The following SDK1 variants were observed in gnomAD, a reference collection of about 807,000 sequenced individuals.
SDK1 encodes the protein sidekick cell adhesion molecule 1, also known as protein sidekick-1.
Under a neutral mutation model 245.5 loss-of-function variants are expected in SDK1, and 157 were observed. That is an observed-to-expected ratio of 0.64 (90% CI 0.56 to 0.73). SDK1 has a LOEUF of 0.73. Among genes scored for constraint, SDK1 ranks in the 30% least tolerant of loss-of-function variants. The pLI is 0.00. For missense variants in SDK1, 3,583 were observed against 3,002.3 expected (o/e 1.19, Z -4.52); for synonymous variants, 1,647 against 1,278.5 (o/e 1.29, Z -6.15).
At chr7:4,124,051 G>A (rs554894182) in intron 25 of SDK1, among the ~76,000 whole-genome samples, 2 of 152,230 alleles carry the variant, frequency 1.3e-5, no homozygotes, top group Non-Finnish European at 2.9e-5. Flanking sequence ...ATCCTCAGCC[G>A]CTGGCCCTGT....
At chr7:3,490,428 T>TTCAATAAG (rs1432967476) in intron 1 of SDK1, among the ~76,000 whole-genome samples, 2 of 152,232 alleles carry the variant, frequency 1.3e-5, no homozygotes, top group Non-Finnish European at 2.9e-5. Flanking sequence ...AATTTATGCA[T>TTCAATAAG]TCAATAAGTA....
At chr7:3,421,591 AT>A (rs1583832921) in intron 1 of SDK1, among the ~76,000 whole-genome samples, 1 of 152,192 alleles carries the variant, frequency 6.6e-6, no homozygotes, top group African/African-American at 2.4e-5. Flanking sequence ...CTGTAAACTA[AT>A]TATATTTTGA....
intron 5 of SDK1, among the ~76,000 whole-genome samples, chr7:3,829,502 T>G (rs1247069240): frequency 6.6e-6 from 1 of 152,220 alleles, no homozygotes; most frequent in Non-Finnish European, 1.5e-5. Context: ...GTTAAATTAT[T>G]GACCCAGATC....
At position 4,267,856 on chromosome 7, in the gene SDK1, A is replaced by G. The variant is rs563328488; in HGVS notation, c.*2472A>G. The G allele has an allele frequency of 3.0e-6, 3 of 985,570 alleles. No homozygotes were observed. Among genetic ancestry groups the G allele is most frequent in the East Asian group, 2.3e-4 (2 of 8,796 alleles). 61.1% of individuals were successfully genotyped at this position (985,570 alleles called of 1,614,324 possible). A position where few individuals can be genotyped will look rare whatever the true frequency, so the allele number is the denominator to read the frequency against. ...GCTGCTGCTGGACTGTGCTTAGGAC[A>G]GCGCCCATGCCTCGGAGGGACTCTG... On this transcript the variant is annotated 3_prime_UTR_variant, in exon 45 of 45. Coordinates refer to ENST00000404826, the MANE Select transcript of SDK1 (RefSeq NM_152744.4).
At chr7:3,721,257 G>C (rs1033309694) in intron 4 of SDK1, among the ~76,000 whole-genome samples, 5 of 152,166 alleles carry the variant, frequency 3.3e-5, no homozygotes, top group Admixed American at 1.3e-4. Context: ...CCATCCATGA[G>C]TGCAGGCACT....
chr7:3,933,471 G>A (rs370866608), intron 5 of SDK1, among the ~76,000 whole-genome samples: 5 of 152,154 alleles, frequency 3.3e-5, no homozygotes, highest in East Asian at 1.9e-4. Flanking sequence ...TGGAATGAAC[G>A]CTATCAAAGG....
chr7:3,434,632 A>G (rs1413210615), intron 1 of SDK1, among the ~76,000 whole-genome samples: 1 of 152,210 alleles, frequency 6.6e-6, no homozygotes, highest in Non-Finnish European at 1.5e-5. Context: ...TTGCCAGCTA[A>G]GTAACCAAGC....
chr7:3,915,305 C>T (rs181541905), intron 5 of SDK1, among the ~76,000 whole-genome samples: 199 of 152,296 alleles, frequency 1.3e-3, no homozygotes, highest in African/African-American at 4.7e-3. Flanking sequence ...CCCTGAAGAG[C>T]ATGTACCCTG....
At chr7:3,446,989 G>A (rs1313963315) in intron 1 of SDK1, among the ~76,000 whole-genome samples, 1 of 152,162 alleles carries the variant, frequency 6.6e-6, no homozygotes, top group Non-Finnish European at 1.5e-5. Flanking sequence ...ATACGATGAA[G>A]CAATCTGAGT....
chr7:4,235,557 G>A lies in SDK1; in HGVS notation c.5993-2090G>A, dbSNP rs149122231. 6.8e-4 allele frequency among the ~76,000 whole-genome samples: 103 copies of A among 152,292 alleles called. 4 individuals are homozygous for A. In the East Asian group the frequency reaches 0.013, roughly 19 times the overall value. ...ATGAATATTTTAAATGTACCCCAAA[G>A]TATAGAGAATGAGGAACCCTCAGCA... On this transcript the variant is annotated intron_variant, in intron 41 of 44. Coordinates refer to ENST00000404826, the MANE Select transcript of SDK1 (RefSeq NM_152744.4).
At chr7:4,205,770 G>A in intron 35 of SDK1, 109 bp from the exon 36 acceptor site, 1 of 873,506 alleles carries the variant, frequency 1.1e-6, no homozygotes, top group Non-Finnish European at 1.8e-6. Context: ...TCTCTCACAT[G>A]GTTCCCAGCG....
intron 22 of SDK1, among the ~76,000 whole-genome samples, chr7:4,085,081 A>T (rs1300786875): frequency 1.3e-5 from 2 of 152,132 alleles, no homozygotes; most frequent in Non-Finnish European, 2.9e-5. Context: ...TATATTTTAA[A>T]TATATTTTCC....
At chr7:4,229,934 A>T (rs1168939140) in intron 40 of SDK1, among the ~76,000 whole-genome samples, 2 of 151,674 alleles carry the variant, frequency 1.3e-5, no homozygotes, top group East Asian at 1.9e-4. Context: ...AGCCCATGGG[A>T]TACAAAGAGG....
At chr7:4,202,258 A>G (rs780720440) in intron 35 of SDK1, among the ~76,000 whole-genome samples, 5 of 152,160 alleles carry the variant, frequency 3.3e-5, no homozygotes, top group Non-Finnish European at 7.4e-5. Context: ...GACCCTGGTT[A>G]ATATTCAGGA....
chr7:3,916,310 G>A (rs9692172), intron 5 of SDK1, among the ~76,000 whole-genome samples: 38 of 152,322 alleles, frequency 2.5e-4, no homozygotes, highest in African/African-American at 8.9e-4. Context: ...CTTTACATGA[G>A]TTAAAGTAAA....
intron 17 of SDK1, among the ~76,000 whole-genome samples, chr7:4,027,060 A>G (rs1400757554): frequency 6.6e-6 from 1 of 152,092 alleles, no homozygotes; most frequent in African/African-American, 2.4e-5. Context: ...GGACGTGAAG[A>G]TTTGTGCTTC....
chr7:3,729,653 A>G lies in SDK1; in HGVS notation c.713+87548A>G, dbSNP rs115771257. Among the ~76,000 whole-genome samples, 207 of 152,260 alleles carry G rather than the reference A, an allele frequency of 1.4e-3. 1 individual carries two copies. Among genetic ancestry groups the G allele is most frequent in the African/African-American group, 4.8e-3 (198 of 41,542 alleles). ...CTAGACCCTGAGGCATGTTGTATAT[A>G]TACTTAATTTTGTTAGATCATCCCA... On this transcript the variant is annotated intron_variant, in intron 4 of 44. Coordinates refer to ENST00000404826, the MANE Select transcript of SDK1 (RefSeq NM_152744.4).
intron 35 of SDK1, among the ~76,000 whole-genome samples, chr7:4,190,882 T>G (rs1231154196): frequency 6.6e-6 from 1 of 152,166 alleles, no homozygotes; most frequent in African/African-American, 2.4e-5. Flanking sequence ...GACACCAGCC[T>G]CATCAATGCT....
chr7:3,639,101 C>G lies in SDK1; in HGVS notation c.556C>G (p.Gln186Glu). The change falls in exon 3 of 45, where the codon CAA becomes GAA. Residue 186 changes from glutamine to glutamate, a missense_variant. By Grantham distance (29) the Gln-to-Glu change is conservative. Transcript: ENST00000404826. ...GALLQRKSEV[Q>E]VAYMGSFMDT... is the part of the protein sequence containing the mutation. The stretch of plus-strand genomic sequence containing the variant: ...ACTCCTGCAAAGAAAATCAGAAGTT[C>G]AAGTCGCATGTATGTGTACAGTAAG... 6.3e-7 allele frequency: 1 copy of G among 1,593,686 alleles called. No individual in the cohort carries two copies. The highest frequency in any genetic ancestry group is 8.6e-7 in the Non-Finnish European group (1 of 1,164,624).
Sources: gnomAD v4.1 joint callset for allele counts (sites outside exome capture counted in the v4.1 genomes callset) on GRCh38, gnomAD v4.1.1 for gene constraint, MANE v1.5 for transcripts, NCBI Gene and HGNC (gene_info 2026-07-23, HGNC 2026-07-21) for gene names.